Variants in HIP1 observed in about 807,000 individuals in gnomAD.
HIP1 encodes huntingtin-interacting protein 1.
Under a neutral mutation model 147.6 loss-of-function variants are expected in HIP1, and 65 were observed. The ratio of observed to expected loss-of-function variants is 0.44; its 90% CI spans 0.36 to 0.54. The LOEUF (loss-of-function observed/expected upper bound fraction) is 0.54, where lower values mean the gene tolerates loss of function less well. Among genes scored for constraint, HIP1 ranks in the 20% least tolerant of loss-of-function variants. The pLI, the probability that HIP1 is intolerant of heterozygous loss-of-function variation, is 0.00. For missense variants in HIP1, 1,061 were observed against 1,299.6 expected, an observed-to-expected ratio of 0.82 and a Z score of 2.82; for synonymous variants, 479 against 504.0, an observed-to-expected ratio of 0.95 and a Z score of 0.67.
intron 1 of HIP1, among the ~76,000 whole-genome samples, chr7:75,644,077 G>A (rs1798730013): frequency 6.6e-6 from 1 of 152,148 alleles, no homozygotes; most frequent in Admixed American, 6.6e-5. Context: ...CAGATCTCAA[G>A]TTGAATTCTG....
intron 14 of HIP1, 121 bp downstream of exon 14, chr7:75,559,611 G>C (rs1460255391): frequency 2.4e-6 from 2 of 824,288 alleles, no homozygotes; most frequent in Non-Finnish European, 3.7e-6. Context: ...ATTCCTAGCT[G>C]TTTCTAGAAA....
At chr7:75,678,502 C>T (rs1584944456) in intron 1 of HIP1, among the ~76,000 whole-genome samples, 1 of 152,100 alleles carries the variant, frequency 6.6e-6, no homozygotes, top group Non-Finnish European at 1.5e-5. Context: ...CGCCACCACA[C>T]CCGGCTAATT....
At chr7:75,705,570 A>G (rs1191359118) in intron 1 of HIP1, among the ~76,000 whole-genome samples, 2 of 151,996 alleles carry the variant, frequency 1.3e-5, no homozygotes, top group African/African-American at 4.8e-5. Flanking sequence ...CATGTTGGGC[A>G]GGCTGGTCTC....
At chr7:75,704,876 T>C (rs1365388762) in intron 1 of HIP1, among the ~76,000 whole-genome samples, 3 of 152,238 alleles carry the variant, frequency 2.0e-5, no homozygotes, top group Non-Finnish European at 4.4e-5. Context: ...CCTGGCCAAC[T>C]ATGTGGATAA....
At chr7:75,583,629 G>A (rs1313314691) in intron 5 of HIP1, among the ~76,000 whole-genome samples, 1 of 151,876 alleles carries the variant, frequency 6.6e-6, no homozygotes, top group Non-Finnish European at 1.5e-5. Context: ...CCTCACTGTT[G>A]CCCACGCTGG....
chr7:75,588,234 A>G (rs1053756955), intron 4 of HIP1, among the ~76,000 whole-genome samples: 1 of 152,198 alleles, frequency 6.6e-6, no homozygotes, highest in Non-Finnish European at 1.5e-5. Context: ...ACCTGCCTTC[A>G]TTACAGACTT....
chr7:75,535,959 C>G lies in HIP1; in HGVS notation c.*2213G>C, dbSNP rs1221912153. The G allele has an allele frequency of 1.1e-5, 2 of 176,834 alleles. No individual in the cohort carries two copies. The highest frequency in any genetic ancestry group is 2.4e-5 in the Non-Finnish European group (2 of 82,256). 11.0% of individuals were successfully genotyped at this position (176,834 alleles called of 1,614,324 possible). A position where few individuals can be genotyped will look rare whatever the true frequency, so the allele number is the denominator to read the frequency against. On this transcript the variant is annotated 3_prime_UTR_variant, in exon 31 of 31. Transcript: ENST00000336926. ...GAACTCCTGACCTCAGGTGATCCTA[C>G]CACCTCAGCCTCTCAAAGTGCTGGG...
intron 1 of HIP1, among the ~76,000 whole-genome samples, chr7:75,676,712 G>T (rs1799902242): frequency 6.6e-6 from 1 of 151,762 alleles, no homozygotes; most frequent in Non-Finnish European, 1.5e-5. Flanking sequence ...GGAGGCGGAG[G>T]TTGCAGTGGG....
intron 2 of HIP1, among the ~76,000 whole-genome samples, chr7:75,594,149 G>T (rs982769980): frequency 6.6e-6 from 1 of 151,844 alleles, no homozygotes; most frequent in Non-Finnish European, 1.5e-5. Flanking sequence ...GTGTGGTGGC[G>T]CATGCCTGTA....
At chr7:75,588,799 C>T (rs1796373278) in intron 4 of HIP1, among the ~76,000 whole-genome samples, 1 of 151,532 alleles carries the variant, frequency 6.6e-6, no homozygotes, top group Admixed American at 6.6e-5. Flanking sequence ...CCACCTTCCC[C>T]CGCAAAAAAC....
intron 1 of HIP1, among the ~76,000 whole-genome samples, chr7:75,689,406 AAGG>A (rs1247357393): frequency 6.6e-6 from 1 of 151,882 alleles, no homozygotes; most frequent in Non-Finnish European, 1.5e-5. Flanking sequence ...TGGGAGGCTG[AAGG>A]AGGAGGATTG....
At chr7:75,574,692 C>A (rs1554497364) in intron 7 of HIP1, among the ~76,000 whole-genome samples, 1 of 152,094 alleles carries the variant, frequency 6.6e-6, no homozygotes, top group African/African-American at 2.4e-5. Context: ...GACCAGGAGC[C>A]TTTGCTCTTG....
intron 1 of HIP1, among the ~76,000 whole-genome samples, chr7:75,636,152 G>A (rs1057489727): frequency 6.6e-6 from 1 of 151,748 alleles, no homozygotes; most frequent in Non-Finnish European, 1.5e-5. Context: ...GACCAGCCTG[G>A]CCAACATGGT....
intron 1 of HIP1, among the ~76,000 whole-genome samples, chr7:75,676,084 T>TC (rs1336538456): frequency 1.3e-5 from 2 of 152,120 alleles, no homozygotes; most frequent in Admixed American, 6.6e-5. Context: ...CAGATTCTGC[T>TC]CCCCCCTCTG....
At chr7:75,658,122 C>T (rs1232204705) in intron 1 of HIP1, among the ~76,000 whole-genome samples, 3 of 152,172 alleles carry the variant, frequency 2.0e-5, no homozygotes, top group African/African-American at 7.2e-5. Context: ...TAGACAGAAT[C>T]TTGCTCTGTC....
chr7:75,639,244 AGGGGAGGGGGAGGGGAGGCGGCGAG>A (rs1402461750), intron 1 of HIP1: 9 of 728,552 alleles, frequency 1.2e-5, no homozygotes, highest in Admixed American at 2.2e-4. Flanking sequence ...GGAGAAAGGA[AGGGGAGGGGGAGGGGAGGCGGCGAG>A]GGGGAGGGGG....
At chr7:75,539,090 T>C (rs1794199839) in intron 30 of HIP1, among the ~76,000 whole-genome samples, 1 of 152,156 alleles carries the variant, frequency 6.6e-6, no homozygotes, top group South Asian at 2.1e-4. Context: ...ATGATCAATG[T>C]TTAGGTCTTA....
intron 1 of HIP1, among the ~76,000 whole-genome samples, chr7:75,718,016 C>T (rs994579862): frequency 3.3e-5 from 5 of 150,944 alleles, no homozygotes; most frequent in Non-Finnish European, 5.9e-5. Flanking sequence ...GTCATGATGG[C>T]TCACACCTGT....
chr7:75,589,754 G>A (rs1451559215), intron 4 of HIP1, among the ~76,000 whole-genome samples: 13 of 134,346 alleles, frequency 9.7e-5, no homozygotes, highest in East Asian at 2.2e-4. Flanking sequence ...TTTTTGAGAC[G>A]AAGTCTCTCT....
Sources: gnomAD v4.1 joint callset for allele counts (sites outside exome capture counted in the v4.1 genomes callset) on GRCh38, gnomAD v4.1.1 for gene constraint, MANE v1.5 for transcripts, NCBI Gene and HGNC (gene_info 2026-07-23, HGNC 2026-07-21) for gene names.